ARHGEF12: variants seen among roughly 807,000 people sequenced by gnomAD.
ARHGEF12 encodes the protein Rho guanine nucleotide exchange factor 12, also known as KMT2A/ARHGEF12 fusion protein.
Under a neutral mutation model 211.2 loss-of-function variants are expected in ARHGEF12, and 66 were observed. That is an observed-to-expected ratio of 0.31 (90% CI 0.26 to 0.38). The LOEUF (loss-of-function observed/expected upper bound fraction) is 0.38, where lower values mean the gene tolerates loss of function less well. ARHGEF12 is among the 10% of genes least tolerant of loss of function. The probability of loss-of-function intolerance (pLI) is 1.00; values close to 1 mark genes in which losing one functional copy is unlikely to be tolerated. For synonymous variants in ARHGEF12, 592 were observed against 638.4 expected (o/e 0.93, Z 1.09); for missense variants, 1,429 against 1,869.5 (o/e 0.76, Z 4.34).
intron 5 of ARHGEF12, 68 bp from the exon 6 acceptor site, chr11:120,421,733 GTC>G (rs1211380672): frequency 1.6e-5 from 23 of 1,426,292 alleles, no homozygotes; most frequent in Non-Finnish European, 1.9e-5. Flanking sequence ...TTGTTATACT[GTC>G]TCTCTGTCAG....
rs1316008328 is a variant in ARHGEF12, at chr11:120,488,208, T to C, written c.*3131T>C. On this transcript the variant is annotated 3_prime_UTR_variant, in exon 41 of 41. Coordinates refer to ENST00000397843, the MANE Select transcript of ARHGEF12 (RefSeq NM_015313.3). ...GCATCTTTGTTTTCCTCTTTGATGT[T>C]AGTAAATTTGGTGTAATACGTGGGG... is the stretch of plus-strand genomic sequence containing the variant. 4.6e-6 allele frequency: 1 copy of C among 215,784 alleles called. No homozygotes were observed. Among genetic ancestry groups the C allele is most frequent in the East Asian group, 6.9e-5 (1 of 14,510 alleles). The allele number at this position is 215,784 out of a possible 1,614,324, so 13.4% of individuals were successfully genotyped here.
intron 1 of ARHGEF12, among the ~76,000 whole-genome samples, chr11:120,351,637 A>ATTT (rs1942976612): frequency 6.6e-6 from 1 of 150,408 alleles, no homozygotes; most frequent in Non-Finnish European, 1.5e-5. Flanking sequence ...CGCCCGTCTA[A>ATTT]TTTTTGTATT....
intron 1 of ARHGEF12, among the ~76,000 whole-genome samples, chr11:120,385,115 C>T (rs1385444851): frequency 6.6e-6 from 1 of 151,906 alleles, no homozygotes; most frequent in Admixed American, 6.6e-5. Flanking sequence ...GGTATTTGGC[C>T]TGTTCTGCTA....
chr11:120,382,176 G>C (rs552670774), intron 1 of ARHGEF12, among the ~76,000 whole-genome samples: 1 of 152,338 alleles, frequency 6.6e-6, no homozygotes, highest in African/African-American at 2.4e-5. Flanking sequence ...ATGGATATAA[G>C]TTTTCAAGTC....
In ARHGEF12 at chr11:120,485,238, A is replaced by G; in HGVS notation, c.*161A>G. ...GTCCCAAGGTGCCCAGAGTGGGACT[A>G]GTTCTTCACAGTGTGGCAGCTGCAC... On this transcript the variant is annotated 3_prime_UTR_variant, in exon 41 of 41. Transcript: ENST00000397843. The G allele has an allele frequency of 1.4e-6, 1 of 713,076 alleles. No homozygotes were observed. The highest frequency in any genetic ancestry group is 1.8e-5 in the South Asian group (1 of 54,876). The allele number at this position is 713,076 out of a possible 1,614,324, so 44.2% of individuals were successfully genotyped here.
intron 1 of ARHGEF12, among the ~76,000 whole-genome samples, chr11:120,363,474 T>C (rs911499718): frequency 3.9e-5 from 6 of 152,222 alleles, no homozygotes; most frequent in African/African-American, 9.6e-5. Context: ...CCACTAGTGT[T>C]GCCTTCTATT....
chr11:120,422,816 A>G (rs1945234936), intron 6 of ARHGEF12, among the ~76,000 whole-genome samples: 2 of 152,182 alleles, frequency 1.3e-5, no homozygotes. Flanking sequence ...GATGTATATG[A>G]CTCTAATCTA....
intron 26 of ARHGEF12, among the ~76,000 whole-genome samples, chr11:120,459,857 C>T (rs549494608): frequency 7.9e-5 from 12 of 152,152 alleles, no homozygotes; most frequent in Admixed American, 2.0e-4. Flanking sequence ...TACAGGCGTG[C>T]GCCACCACAC....
At chr11:120,467,427 G>GTT in intron 29 of ARHGEF12, 119 bp downstream of exon 29, 1 of 363,880 alleles carries the variant, frequency 2.7e-6, no homozygotes, top group Non-Finnish European at 4.9e-6. Flanking sequence ...AGTATGACAA[G>GTT]ATTTTCTTTT....
At chr11:120,371,619 A>C (rs893335970) in intron 1 of ARHGEF12, among the ~76,000 whole-genome samples, 1 of 152,242 alleles carries the variant, frequency 6.6e-6, no homozygotes, top group Non-Finnish European at 1.5e-5. Context: ...GCACGTAAAC[A>C]TACACTCACC....
At chr11:120,454,936 C>T (rs1327639076) in intron 22 of ARHGEF12, among the ~76,000 whole-genome samples, 1 of 152,108 alleles carries the variant, frequency 6.6e-6, no homozygotes, top group Non-Finnish European at 1.5e-5. Flanking sequence ...AGCCCATACT[C>T]AGGGAGGGAG....
At chr11:120,459,583 AT>A (rs1385048138) in intron 26 of ARHGEF12, among the ~76,000 whole-genome samples, 1 of 152,014 alleles carries the variant, frequency 6.6e-6, no homozygotes, top group Non-Finnish European at 1.5e-5. Flanking sequence ...ACCGTTGAAA[AT>A]TTTCTATCAA....
intron 1 of ARHGEF12, among the ~76,000 whole-genome samples, chr11:120,354,903 A>C (rs909950764): frequency 1.3e-5 from 2 of 152,232 alleles, no homozygotes; most frequent in African/African-American, 4.8e-5. Flanking sequence ...GACATCCGCT[A>C]TGCTGAGTTC....
intron 1 of ARHGEF12, among the ~76,000 whole-genome samples, chr11:120,377,205 A>G (rs1309777536): frequency 6.6e-6 from 1 of 152,186 alleles, no homozygotes; most frequent in African/African-American, 2.4e-5. Context: ...TAACCACCAC[A>G]ACCAGCATAG....
chr11:120,475,777 A>G (rs1947011030), intron 33 of ARHGEF12, among the ~76,000 whole-genome samples: 1 of 152,230 alleles, frequency 6.6e-6, no homozygotes, highest in African/African-American at 2.4e-5. Flanking sequence ...GATAGATCCC[A>G]ATGAAAAGCC....
At chr11:120,350,870 T>C (rs775682368) in intron 1 of ARHGEF12, among the ~76,000 whole-genome samples, 1 of 152,176 alleles carries the variant, frequency 6.6e-6, no homozygotes, top group Non-Finnish European at 1.5e-5. Flanking sequence ...ATTAAGCCTA[T>C]ATATACTTTG....
chr11:120,337,518 T>C (rs900503629), intron 1 of ARHGEF12: 2 of 985,360 alleles, frequency 2.0e-6, no homozygotes, highest in African/African-American at 3.5e-5. Flanking sequence ...GGCAAAACCA[T>C]GATTGTGGTT....
intron 1 of ARHGEF12, among the ~76,000 whole-genome samples, chr11:120,394,164 A>C (rs949674908): frequency 6.6e-6 from 1 of 152,190 alleles, no homozygotes; most frequent in African/African-American, 2.4e-5. Flanking sequence ...TTACATAAAA[A>C]CTTATAGCAT....
intron 1 of ARHGEF12, among the ~76,000 whole-genome samples, chr11:120,399,320 C>A (rs1425950120): frequency 3.9e-4 from 4 of 10,302 alleles, no homozygotes; most frequent in Non-Finnish European, 6.7e-4. Flanking sequence ...GACATTGTCT[C>A]CAAAAAAAAA....
Sources: allele counts gnomAD v4.1 joint callset (sites outside exome capture counted in the v4.1 genomes callset), GRCh38; gene constraint gnomAD v4.1.1; transcripts MANE v1.5; gene names NCBI Gene and HGNC (gene_info 2026-07-23, HGNC 2026-07-21).